The following EPB41L4B variants were observed in gnomAD, a reference collection of about 807,000 sequenced individuals.
EPB41L4B encodes erythrocyte membrane protein band 4.1 like 4B.
In EPB41L4B, 30 loss-of-function variants were observed where a neutral mutation model predicts 112.5. The ratio of observed to expected loss-of-function variants is 0.27; its 90% CI spans 0.20 to 0.36. The LOEUF (loss-of-function observed/expected upper bound fraction) is 0.36. Among genes scored for constraint, EPB41L4B ranks in the 10% least tolerant of loss-of-function variants. The probability of loss-of-function intolerance (pLI) is 1.00; values close to 1 mark genes in which losing one functional copy is unlikely to be tolerated. For synonymous variants in EPB41L4B, 408 were observed against 439.7 expected (o/e 0.93, Z 0.90); for missense variants, 1,024 against 1,133.3 (o/e 0.90, Z 1.38).
At chr9:109,222,015 C>T (rs1767985385) in intron 15 of EPB41L4B, among the ~76,000 whole-genome samples, 1 of 152,044 alleles carries the variant, frequency 6.6e-6, no homozygotes, top group Non-Finnish European at 1.5e-5. Context: ...TGGAAGAGCA[C>T]AGTGGTATCA....
intron 1 of EPB41L4B, among the ~76,000 whole-genome samples, chr9:109,295,377 C>CTAAA (rs766873899): frequency 2.0e-5 from 3 of 152,148 alleles, no homozygotes; most frequent in Non-Finnish European, 2.9e-5. Context: ...TGACTTTGAA[C>CTAAA]TAAAGCACCA....
chr9:109,278,730 T>TAA (rs1835928201), intron 2 of EPB41L4B, among the ~76,000 whole-genome samples: 1 of 152,204 alleles, frequency 6.6e-6, no homozygotes, highest in Admixed American at 6.5e-5. Context: ...ATCTGGCATA[T>TAA]GACATATCTA....
rs182764644 is a variant in EPB41L4B, at chr9:109,215,879, C to A, written c.1633+1043G>T. 3.0e-3 allele frequency among the ~76,000 whole-genome samples: 459 copies of A among 152,194 alleles called. 8 individuals are homozygous for A. Among genetic ancestry groups the A allele is most frequent in the Non-Finnish European group, 9.9e-4 (67 of 68,020 alleles). ...GTGGCTCATGCCTATAATCCCAGAA[C>A]TTTGGGAGGCTGAAGCAGGAGTGTT... is the stretch of plus-strand genomic sequence containing the variant. On this transcript the variant is annotated intron_variant, in intron 16 of 25. Coordinates refer to ENST00000374566, the MANE Select transcript of EPB41L4B (RefSeq NM_019114.5).
chr9:109,299,797 C>T (rs563603150), intron 1 of EPB41L4B, among the ~76,000 whole-genome samples: 18 of 152,238 alleles, frequency 1.2e-4, no homozygotes, highest in African/African-American at 4.1e-4. Flanking sequence ...TTTCCTCCCA[C>T]GGGTACCACA....
chr9:109,229,971 C>G (rs1833901807), intron 15 of EPB41L4B, among the ~76,000 whole-genome samples: 1 of 152,158 alleles, frequency 6.6e-6, no homozygotes, highest in Admixed American at 6.5e-5. Context: ...AATTGGGACT[C>G]TCTTAGGATA....
intron 1 of EPB41L4B, among the ~76,000 whole-genome samples, chr9:109,301,904 AAAAT>A (rs1156712575): frequency 2.6e-5 from 4 of 152,232 alleles, no homozygotes; most frequent in African/African-American, 9.6e-5. Flanking sequence ...CCCTGTCTCA[AAAAT>A]AAATAAACAA....
Position 109,177,325 on chromosome 9 carries a change from C to G in EPB41L4B, c.2488-629G>C, listed in dbSNP as rs187631728. 3.9e-5 allele frequency among the ~76,000 whole-genome samples: 6 copies of G among 152,156 alleles called. No individual in the cohort carries two copies. The East Asian group carries it at 1.2e-3, about 29-fold the overall frequency. Reference sequence around the variant, plus strand: ...AGGCCTCACCCAAGACCACTGGGACCCAAGAATGCCTGGGGATGAAGTCCA... The same window carrying G: ...AGGCCTCACCCAAGACCACTGGGACGCAAGAATGCCTGGGGATGAAGTCCA... On this transcript the variant is annotated intron_variant, in intron 24 of 25. Coordinates refer to ENST00000374566, the MANE Select transcript of EPB41L4B (RefSeq NM_019114.5).
intron 1 of EPB41L4B, among the ~76,000 whole-genome samples, chr9:109,282,512 C>A (rs1836106148): frequency 6.6e-6 from 1 of 152,060 alleles, no homozygotes; most frequent in Admixed American, 6.5e-5. Context: ...CATTTTGCAA[C>A]CCCTAATGGG....
intron 15 of EPB41L4B, among the ~76,000 whole-genome samples, chr9:109,234,217 T>C (rs73527096): frequency 0.012 from 1,786 of 152,182 alleles, 28 homozygotes; most frequent in African/African-American, 0.04. Flanking sequence ...GTGGAATATA[T>C]TTGGAGAGAA....
intron 25 of EPB41L4B, 102 bp downstream of exon 25, chr9:109,176,449 A>ATGTAGGAAAGGCC: frequency 7.8e-7 from 1 of 1,278,910 alleles, no homozygotes; most frequent in South Asian, 1.7e-5. Context: ...AAATGAAAGA[A>ATGTAGGAAAGGCC]TGTAGGAAAG....
chr9:109,285,430 G>C (rs750856798), intron 1 of EPB41L4B, among the ~76,000 whole-genome samples: 3 of 152,128 alleles, frequency 2.0e-5, no homozygotes, highest in Non-Finnish European at 4.4e-5. Context: ...AGGGGCTGGG[G>C]GATAGGTATC....
intron 9 of EPB41L4B, 27 bp downstream of exon 9, chr9:109,256,109 T>G: frequency 6.3e-7 from 1 of 1,585,662 alleles, no homozygotes; most frequent in Non-Finnish European, 8.7e-7. Flanking sequence ...GAAAAGACAT[T>G]TTTAATATTA....
chr9:109,214,357 T>A (rs962872921), intron 16 of EPB41L4B, among the ~76,000 whole-genome samples: 1 of 152,212 alleles, frequency 6.6e-6, no homozygotes. Flanking sequence ...AAATATTAAA[T>A]ATTCATTACA....
At chr9:109,238,756 G>A (rs1834243533) in intron 15 of EPB41L4B, among the ~76,000 whole-genome samples, 1 of 152,216 alleles carries the variant, frequency 6.6e-6, no homozygotes, top group African/African-American at 2.4e-5. Context: ...GAAGATGTCT[G>A]GGCAGAGGCA....
intron 13 of EPB41L4B, 32 bp from the exon 14 acceptor site, chr9:109,247,821 A>T: frequency 6.9e-7 from 1 of 1,456,356 alleles, no homozygotes; most frequent in South Asian, 1.4e-5. Context: ...AAACAGAAAA[A>T]AAAAGAAAAA....
chr9:109,231,765 T>C (rs1262040193), intron 15 of EPB41L4B, among the ~76,000 whole-genome samples: 1 of 152,226 alleles, frequency 6.6e-6, no homozygotes, highest in African/African-American at 2.4e-5. Flanking sequence ...GGCTGTTGTG[T>C]TGCAATGCTA....
chr9:109,311,006 A>G (rs1195332298), intron 1 of EPB41L4B, among the ~76,000 whole-genome samples: 1 of 152,184 alleles, frequency 6.6e-6, no homozygotes, highest in Non-Finnish European at 1.5e-5. Context: ...TAGACAAAAA[A>G]GTAGAATGGT....
At chr9:109,205,901 A>G (rs947507523) in intron 18 of EPB41L4B, among the ~76,000 whole-genome samples, 10 of 152,210 alleles carry the variant, frequency 6.6e-5, no homozygotes, top group Non-Finnish European at 1.5e-4. Flanking sequence ...TCAAAGCCAG[A>G]CCATCTGACT....
intron 4 of EPB41L4B, among the ~76,000 whole-genome samples, chr9:109,266,183 G>A (rs150945377): frequency 1.3e-5 from 2 of 152,132 alleles, no homozygotes; most frequent in African/African-American, 4.8e-5. Context: ...AGGAGCCTGG[G>A]TAACAGGGCA....
Sources: gnomAD v4.1 joint callset for allele counts (sites outside exome capture counted in the v4.1 genomes callset) on GRCh38, gnomAD v4.1.1 for gene constraint, MANE v1.5 for transcripts, NCBI Gene and HGNC (gene_info 2026-07-23, HGNC 2026-07-21) for gene names.